Variants in RORB observed in about 807,000 individuals in gnomAD.
The protein encoded by RORB is RAR related orphan receptor B, also known as nuclear receptor ROR-beta.
In RORB, 6 loss-of-function variants were observed where a neutral mutation model predicts 59.1. That is an observed-to-expected ratio of 0.10 (90% confidence interval 0.06 to 0.20). The LOEUF is 0.20. Ranked by LOEUF, RORB falls within the 10% of genes least tolerant of loss-of-function variation. RORB has a pLI of 1.00. For synonymous variants in RORB, 215 were observed against 204.5 expected (o/e 1.05, Z -0.44); for missense variants, 320 against 560.5 (o/e 0.57, Z 4.33).
intron 1 of RORB, among the ~76,000 whole-genome samples, chr9:74,514,330 T>G (rs1162048106): frequency 6.6e-6 from 1 of 152,050 alleles, no homozygotes; most frequent in East Asian, 1.9e-4. Flanking sequence ...TAGTAAATAT[T>G]TTAGACTTTG....
At chr9:74,545,921 C>A (rs1826479875) in intron 1 of RORB, among the ~76,000 whole-genome samples, 1 of 152,050 alleles carries the variant, frequency 6.6e-6, no homozygotes, top group African/African-American at 2.4e-5. Context: ...TTGTTTCAAA[C>A]ATAGCCATCT....
intron 1 of RORB, among the ~76,000 whole-genome samples, chr9:74,545,806 AGT>A (rs1826477095): frequency 7.9e-6 from 1 of 126,888 alleles, no homozygotes; most frequent in South Asian, 2.7e-4. Flanking sequence ...TTTACCTGAC[AGT>A]TTTTTTTTTC....
intron 1 of RORB, among the ~76,000 whole-genome samples, chr9:74,609,842 G>A: frequency 6.6e-6 from 1 of 152,130 alleles, no homozygotes; most frequent in East Asian, 1.9e-4. Context: ...GGGGGTATTT[G>A]GCAATATTTG....
intron 1 of RORB, among the ~76,000 whole-genome samples, chr9:74,591,123 A>AC (rs1822883750): frequency 1.3e-5 from 2 of 152,200 alleles, no homozygotes; most frequent in African/African-American, 4.8e-5. Flanking sequence ...GAAGTTTCAG[A>AC]GCCAGCTGAA....
chr9:74,596,095 A>C (rs1324897729), intron 1 of RORB, among the ~76,000 whole-genome samples: 4 of 152,204 alleles, frequency 2.6e-5, no homozygotes, highest in African/African-American at 9.7e-5. Context: ...TATTTTGAGT[A>C]ATAAGAGCTG....
chr9:74,603,149 T>C (rs1352687151), intron 1 of RORB, among the ~76,000 whole-genome samples: 2 of 152,182 alleles, frequency 1.3e-5, no homozygotes, highest in African/African-American at 4.8e-5. Flanking sequence ...CAGAAGAGTT[T>C]CAGGTACTCA....
intron 1 of RORB, among the ~76,000 whole-genome samples, chr9:74,536,944 G>A (rs765146569): frequency 3.3e-5 from 5 of 151,810 alleles, no homozygotes; most frequent in Non-Finnish European, 7.4e-5. Flanking sequence ...TATTAATATC[G>A]CACTTTTATT....
intron 4 of RORB, among the ~76,000 whole-genome samples, chr9:74,658,993 T>C (rs1824135405): frequency 6.6e-6 from 1 of 152,222 alleles, no homozygotes; most frequent in South Asian, 2.1e-4. Flanking sequence ...TGAAAAACTC[T>C]TGAAATATCT....
chr9:74,625,335 C>G (rs1823492701), intron 1 of RORB, among the ~76,000 whole-genome samples: 3 of 102,122 alleles, frequency 2.9e-5, no homozygotes. Flanking sequence ...AAAATCAGAC[C>G]CAGCATGGTG....
intron 1 of RORB, among the ~76,000 whole-genome samples, chr9:74,576,738 T>C (rs1276204590): frequency 1.3e-5 from 2 of 152,128 alleles, no homozygotes; most frequent in African/African-American, 4.8e-5. Flanking sequence ...TTTTTTAGTT[T>C]CGTGCTGGTA....
At chr9:74,654,413 TCC>T in intron 4 of RORB, among the ~76,000 whole-genome samples, 1 of 151,346 alleles carries the variant, frequency 6.6e-6, no homozygotes, top group South Asian at 2.1e-4. Flanking sequence ...TTAGATACAG[TCC>T]ATTTGGAAAT....
intron 5 of RORB, among the ~76,000 whole-genome samples, chr9:74,661,766 T>C (rs1223196130): frequency 1.4e-5 from 2 of 140,378 alleles, no homozygotes; most frequent in Non-Finnish European, 3.0e-5. Flanking sequence ...TGCCTCAGCC[T>C]CCCGAGTAGC....
chr9:74,541,272 T>C (rs1233063813), intron 1 of RORB, among the ~76,000 whole-genome samples: 1 of 41,036 alleles, frequency 2.4e-5, no homozygotes, highest in Non-Finnish European at 4.0e-5. Context: ...AGAAAGAGAC[T>C]CCATCTCAAA....
At chr9:74,635,726 T>C (rs962722373) in intron 3 of RORB, among the ~76,000 whole-genome samples, 1 of 152,190 alleles carries the variant, frequency 6.6e-6, no homozygotes, top group Non-Finnish European at 1.5e-5. Context: ...TCTGTCTTTA[T>C]GTCAGTCAGT....
At chr9:74,510,408 C>A (rs1405007472) in intron 1 of RORB, among the ~76,000 whole-genome samples, 1 of 152,130 alleles carries the variant, frequency 6.6e-6, no homozygotes, top group Non-Finnish European at 1.5e-5. Context: ...ATTCACTAAT[C>A]CTGTCAGTCT....
At chr9:74,512,636 C>A (rs1157249039) in intron 1 of RORB, among the ~76,000 whole-genome samples, 1 of 152,164 alleles carries the variant, frequency 6.6e-6, no homozygotes, top group Admixed American at 6.5e-5. Flanking sequence ...CTGCAATATA[C>A]AGGACAGCCC....
intron 1 of RORB, among the ~76,000 whole-genome samples, chr9:74,573,592 A>G (rs1822586052): frequency 6.6e-6 from 1 of 152,104 alleles, no homozygotes; most frequent in African/African-American, 2.4e-5. Flanking sequence ...GGGCTTGCTA[A>G]TGACTTACAC....
At chr9:74,627,277 T>C (rs1587392477) in intron 1 of RORB, among the ~76,000 whole-genome samples, 1 of 152,292 alleles carries the variant, frequency 6.6e-6, no homozygotes, top group South Asian at 2.1e-4. Flanking sequence ...CCTTTACCTA[T>C]CATAAACCTC....
chr9:74,623,720 C>T (rs754733729), intron 1 of RORB, among the ~76,000 whole-genome samples: 14 of 152,108 alleles, frequency 9.2e-5, no homozygotes, highest in East Asian at 5.8e-4. Flanking sequence ...CCATGATCCC[C>T]GGAGATGCCA....
Sources: allele counts gnomAD v4.1 joint callset (sites outside exome capture counted in the v4.1 genomes callset), GRCh38; gene constraint gnomAD v4.1.1; transcripts MANE v1.5; gene names NCBI Gene and HGNC (gene_info 2026-07-23, HGNC 2026-07-21).